Variants in STRADB observed in about 807,000 individuals in gnomAD.
STRADB encodes STE20 related adaptor beta, also known as STE20-related kinase adapter protein beta.
STRADB carries 34 observed loss-of-function variants against 52.1 expected under a neutral mutation model. The observed-to-expected ratio is 0.65, with a 90% confidence interval of 0.50 to 0.87. The LOEUF (loss-of-function observed/expected upper bound fraction) is 0.87. Ranked by LOEUF, STRADB falls within the 40% of genes least tolerant of loss-of-function variation. The probability of loss-of-function intolerance (pLI) is 0.00; values close to 1 mark genes in which losing one functional copy is unlikely to be tolerated. For synonymous variants in STRADB, 133 were observed against 174.5 expected (o/e 0.76, Z 1.87); for missense variants, 340 against 483.9 (o/e 0.70, Z 2.79).
intron 2 of STRADB, among the ~76,000 whole-genome samples, chr2:201,457,164 A>G (rs1952140614): frequency 6.6e-6 from 1 of 152,218 alleles, no homozygotes; most frequent in African/African-American, 2.4e-5. Context: ...ATAAGCAGCT[A>G]TTTTCTAAGA....
chr2:201,465,401 G>A (rs1559464671), intron 3 of STRADB, among the ~76,000 whole-genome samples: 3 of 152,126 alleles, frequency 2.0e-5, no homozygotes, highest in African/African-American at 7.2e-5. Flanking sequence ...CCAGGAGCTA[G>A]GGCTTGGAAT....
At chr2:201,463,156 T>C (rs1373223746) in intron 3 of STRADB, among the ~76,000 whole-genome samples, 1 of 152,110 alleles carries the variant, frequency 6.6e-6, no homozygotes, top group Non-Finnish European at 1.5e-5. Context: ...GCTAACATGG[T>C]GAAACCCCAT....
At chr2:201,460,858 T>G (rs1002886240) in intron 3 of STRADB, 1 of 236,022 alleles carries the variant, frequency 4.2e-6, no homozygotes, top group African/African-American at 2.3e-5. Flanking sequence ...TATACTGATT[T>G]CTTTTCTTTT....
intron 2 of STRADB, among the ~76,000 whole-genome samples, chr2:201,455,367 A>C (rs991586724): frequency 1.3e-5 from 2 of 152,144 alleles, no homozygotes; most frequent in Non-Finnish European, 2.9e-5. Context: ...TGTTTTATAC[A>C]TAATAATAAT....
rs1952102116 is a variant in STRADB, at chr2:201,454,746, T to G, written c.-95T>G. 8.2e-7 allele frequency: 1 copy of G among 1,221,858 alleles called. No homozygotes were observed. The highest frequency in any genetic ancestry group is 1.5e-5 in the South Asian group (1 of 65,548). 75.7% of individuals were successfully genotyped at this position (1,221,858 alleles called of 1,614,324 possible). ...ATTATTTTGCTTTTGTTTTTTATAG[T>G]AGGATATATCTGCATCTTGAAAGGA... is the stretch of plus-strand genomic sequence containing the variant. On this transcript the variant is annotated splice_region_variant and 5_prime_UTR_variant, in exon 2 of 12. Transcript: ENST00000194530.
rs962432634 is a variant in STRADB at position 201,477,222 on chromosome 2, G to A, written c.549-397G>A. The stretch of plus-strand genomic sequence containing the variant: ...TGGGACTACAGGCACCTGCCACCAC[G>A]CCTGGCTAATTTTTTATATTTTTAG... On this transcript the variant is annotated intron_variant, in intron 7 of 11. Transcript: ENST00000194530. Among the ~76,000 whole-genome samples, 7 of 150,666 alleles carry A rather than the reference G, an allele frequency of 4.6e-5. No individual in the cohort carries two copies. The East Asian group carries it at 6.0e-4, about 13-fold the overall frequency.
intron 4 of STRADB, among the ~76,000 whole-genome samples, chr2:201,471,945 C>A (rs1952397043): frequency 6.6e-6 from 1 of 152,152 alleles, no homozygotes; most frequent in Admixed American, 6.5e-5. Context: ...GTCAGTGATG[C>A]TGACACTGAG....
intron 9 of STRADB, 82 bp from the exon 10 acceptor site, chr2:201,478,275 A>G (rs535491501): frequency 3.1e-6 from 5 of 1,594,424 alleles, no homozygotes; most frequent in Admixed American, 3.5e-5. Flanking sequence ...CATGTTTGCT[A>G]TAGACTCTTA....
chr2:201,476,530 CAATT>C (rs1315585345), intron 7 of STRADB, among the ~76,000 whole-genome samples: 2 of 151,700 alleles, frequency 1.3e-5, no homozygotes, highest in Non-Finnish European at 2.9e-5. Flanking sequence ...ATTTATCTGA[CAATT>C]AAAGGAAATG....
intron 7 of STRADB, among the ~76,000 whole-genome samples, chr2:201,476,622 C>G (rs1952476772): frequency 6.6e-6 from 1 of 151,760 alleles, no homozygotes; most frequent in East Asian, 1.9e-4. Flanking sequence ...CCTTATATTT[C>G]AAATATTGTT....
At chr2:201,460,723 C>A in intron 3 of STRADB, 1 of 247,850 alleles carries the variant, frequency 4.0e-6, no homozygotes, top group Non-Finnish European at 8.9e-6. Context: ...AAATAGTATT[C>A]CATTGTACAT....
chr2:201,467,648 T>C (rs1952324499), intron 3 of STRADB, among the ~76,000 whole-genome samples: 1 of 152,258 alleles, frequency 6.6e-6, no homozygotes, highest in South Asian at 2.1e-4. Flanking sequence ...ATATTTTCTT[T>C]TCCAGATTAA....
At chr2:201,463,981 C>T (rs1225469296) in intron 3 of STRADB, among the ~76,000 whole-genome samples, 1 of 152,116 alleles carries the variant, frequency 6.6e-6, no homozygotes, top group Non-Finnish European at 1.5e-5. Flanking sequence ...TGAATTCCTT[C>T]TCTGTGTTAT....
chr2:201,471,633 G>T (rs1358931339), intron 4 of STRADB, among the ~76,000 whole-genome samples: 2 of 152,208 alleles, frequency 1.3e-5, no homozygotes, highest in Admixed American at 1.3e-4. Flanking sequence ...CTCAGCTGCT[G>T]CAGGACCTGC....
chr2:201,476,413 A>G (rs16837635), intron 7 of STRADB, among the ~76,000 whole-genome samples: 4,829 of 147,426 alleles, frequency 0.033, 262 homozygotes, highest in African/African-American at 0.11. Flanking sequence ...CCAACACACT[A>G]TATTCTGGTT....
chr2:201,462,365 A>G (rs563752775), intron 3 of STRADB, among the ~76,000 whole-genome samples: 3 of 152,162 alleles, frequency 2.0e-5, no homozygotes, highest in Non-Finnish European at 4.4e-5. Flanking sequence ...CAGCTACTCT[A>G]TGTCTATTCA....
At chr2:201,458,943 C>A in intron 3 of STRADB, 79 bp downstream of exon 3, 1 of 1,319,778 alleles carries the variant, frequency 7.6e-7, no homozygotes, top group Non-Finnish European at 1.1e-6. Context: ...AGGAGAATCA[C>A]TTGAGCCTAG....
chr2:201,457,768 C>CCAG (rs1478350039), intron 2 of STRADB, among the ~76,000 whole-genome samples: 5 of 152,034 alleles, frequency 3.3e-5, no homozygotes, highest in African/African-American at 1.2e-4. Flanking sequence ...GCCTATAATC[C>CCAG]CAGCACTTTG....
chr2:201,469,289 G>C (rs562504443), intron 3 of STRADB, among the ~76,000 whole-genome samples: 105 of 152,278 alleles, frequency 6.9e-4, no homozygotes, highest in Non-Finnish European at 1.1e-3. Context: ...GTTATCATAT[G>C]AAGCCAGTAG....
Sources: allele counts gnomAD v4.1 joint callset (sites outside exome capture counted in the v4.1 genomes callset), GRCh38; gene constraint gnomAD v4.1.1; transcripts MANE v1.5; gene names NCBI Gene and HGNC (gene_info 2026-07-23, HGNC 2026-07-21).